TNFRSF10C: variants seen among roughly 807,000 people sequenced by gnomAD.
TNFRSF10C encodes TNF receptor superfamily member 10c.
Under a neutral mutation model 16.7 loss-of-function variants are expected in TNFRSF10C, and 17 were observed. That is an observed-to-expected ratio of 1.02 (90% CI 0.70 to 1.53). The LOEUF is 1.53. Among genes scored for constraint, TNFRSF10C ranks in the 40% most tolerant of loss-of-function variants. TNFRSF10C has a pLI of 0.00. For missense variants in TNFRSF10C, 237 were observed against 329.7 expected (o/e 0.72, Z 2.18); for synonymous variants, 73 against 119.7 (o/e 0.61, Z 2.55).
intron 1 of TNFRSF10C, among the ~76,000 whole-genome samples, chr8:23,108,393 T>A (rs1813817020): frequency 6.6e-6 from 1 of 152,190 alleles, no homozygotes; most frequent in Non-Finnish European, 1.5e-5. Context: ...AGGAAACTGC[T>A]TTTTTCTGGC....
chr8:23,111,352 G>A (rs1563343867), intron 1 of TNFRSF10C, among the ~76,000 whole-genome samples: 1 of 151,966 alleles, frequency 6.6e-6, no homozygotes, highest in East Asian at 1.9e-4. Context: ...GAGTAGCTGG[G>A]ATTACAGGTG....
Position 23,103,195 on chromosome 8 carries a change from G to T in TNFRSF10C, c.60+14G>T, listed in dbSNP as rs749401672. ...GTCCTGCTGCCAGTGAGTCCCGGCC[G>T]CGGTCCCTGGCTGGGGAAGAGCGCA... is the stretch of plus-strand genomic sequence containing the variant. On this transcript the variant is annotated intron_variant, in intron 1 of 4. Coordinates refer to ENST00000356864, the MANE Select transcript of TNFRSF10C (RefSeq NM_003841.5). The T allele has an allele frequency of 3.1e-6, 5 of 1,605,818 alleles. No individual in the cohort carries two copies. The highest frequency in any genetic ancestry group is 4.5e-5 in the East Asian group (2 of 44,650).
At chr8:23,115,417 G>C in intron 3 of TNFRSF10C, 91 bp from the exon 4 acceptor site, 1 of 1,094,730 alleles carries the variant, frequency 9.1e-7, no homozygotes, top group South Asian at 1.5e-5. Context: ...TGGTGAACTT[G>C]GTTGAGCTGA....
chr8:23,114,885 T>G (rs759489481), intron 3 of TNFRSF10C, 115 bp downstream of exon 3: 142 of 771,380 alleles, frequency 1.8e-4, no homozygotes, highest in Non-Finnish European at 2.9e-4. Flanking sequence ...TTCATCACCC[T>G]GTTCTATGAT....
chr8:23,114,172 G>A (rs549014180), intron 2 of TNFRSF10C, among the ~76,000 whole-genome samples: 18 of 152,124 alleles, frequency 1.2e-4, no homozygotes, highest in Non-Finnish European at 2.2e-4. Context: ...CCCAGGTTTC[G>A]GGGGCTTGGG....
intron 1 of TNFRSF10C, among the ~76,000 whole-genome samples, chr8:23,110,005 T>C (rs1331586373): frequency 3.2e-5 from 4 of 124,616 alleles, no homozygotes; most frequent in African/African-American, 6.3e-5. Context: ...AAGGTTGTAG[T>C]GAACCGAGAT....
rs745598625 is a variant in TNFRSF10C at position 23,114,691 on chromosome 8, C to T, written c.201C>T (p.Asn67=). The change falls in exon 3 of 5, where the codon AAC becomes AAT. Residue 67 remains asparagine (N), a synonymous_variant. Transcript: ENST00000356864. The part of the protein sequence containing the change: ...SHRSEHTGAC[N]PCTEGVDYTN... Reference sequence around the variant, plus strand: ...GATCAGAACATACTGGAGCCTGTAACCCGTGCACAGAGGGTGTGGATTACA... The same window carrying T: ...GATCAGAACATACTGGAGCCTGTAATCCGTGCACAGAGGGTGTGGATTACA... The T allele has an allele frequency of 1.2e-6, 2 of 1,614,068 alleles. No individual in the cohort carries two copies. Among genetic ancestry groups the T allele is most frequent in the Non-Finnish European group, 1.7e-6 (2 of 1,179,962 alleles).
In TNFRSF10C at chr8:23,114,658, A is replaced by G. The variant is rs1329992904; in HGVS notation, c.168A>G (p.Gly56=). 9 of 1,612,450 alleles carry G rather than the reference A, an allele frequency of 5.6e-6. No homozygotes were observed. The Admixed American group carries it at 1.5e-4, about 27-fold the overall frequency. ...HSFKGEECPA[G]SHRSEHTGAC... is the part of the protein sequence containing the mutation. ...ATTGGCTTTTCTCTTCCTTCCCAGG[A>G]TCTCATAGATCAGAACATACTGGAG... The change falls in exon 3 of 5, where the codon GGA becomes GGG. Residue 56 remains glycine, a splice_region_variant and synonymous_variant. Transcript: ENST00000356864.
At chr8:23,106,661 C>G (rs1813782273) in intron 1 of TNFRSF10C, among the ~76,000 whole-genome samples, 1 of 152,046 alleles carries the variant, frequency 6.6e-6, no homozygotes, top group Non-Finnish European at 1.5e-5. Context: ...TGCACAGTAC[C>G]CTCTTGGCCT....
chr8:23,113,668 G>A (rs1813923018), intron 2 of TNFRSF10C, among the ~76,000 whole-genome samples: 2 of 152,206 alleles, frequency 1.3e-5, no homozygotes, highest in South Asian at 4.2e-4. Context: ...CCATTGTTGT[G>A]CCATTACCAT....
At chr8:23,106,422 C>A (rs922597057) in intron 1 of TNFRSF10C, among the ~76,000 whole-genome samples, 37 of 149,140 alleles carry the variant, frequency 2.5e-4, no homozygotes, top group South Asian at 6.4e-4. Flanking sequence ...GATGCCCCCC[C>A]ACCCGATTTT....
chr8:23,107,739 A>G (rs1036579977), intron 1 of TNFRSF10C, among the ~76,000 whole-genome samples: 71 of 152,362 alleles, frequency 4.7e-4, no homozygotes, highest in African/African-American at 1.6e-3. Flanking sequence ...GTCTATTTCA[A>G]CTATATCAAT....
At chr8:23,109,686 A>C (rs1813844847) in intron 1 of TNFRSF10C, among the ~76,000 whole-genome samples, 1 of 152,130 alleles carries the variant, frequency 6.6e-6, no homozygotes, top group Admixed American at 6.6e-5. Flanking sequence ...GAGCTACATT[A>C]ATCAATCATA....
chr8:23,108,758 C>T (rs1425932569), intron 1 of TNFRSF10C, among the ~76,000 whole-genome samples: 1 of 152,210 alleles, frequency 6.6e-6, no homozygotes, highest in African/African-American at 2.4e-5. Flanking sequence ...GATCTGCACA[C>T]TATCAACCAC....
chr8:23,112,800 A>G (rs1216652122), intron 2 of TNFRSF10C, among the ~76,000 whole-genome samples: 4 of 152,242 alleles, frequency 2.6e-5, no homozygotes, highest in African/African-American at 9.7e-5. Flanking sequence ...TATCTCTTCA[A>G]TATACTGACG....
chr8:23,109,443 C>T (rs1016665400), intron 1 of TNFRSF10C, among the ~76,000 whole-genome samples: 1 of 151,954 alleles, frequency 6.6e-6, no homozygotes, highest in African/African-American at 2.4e-5. Flanking sequence ...CGAGACCATC[C>T]TGGCTAACAC....
chr8:23,108,588 G>A (rs1654479187), intron 1 of TNFRSF10C, among the ~76,000 whole-genome samples: 1 of 152,124 alleles, frequency 6.6e-6, no homozygotes, highest in African/African-American at 2.4e-5. Context: ...GTAGTTAAAA[G>A]GGTTAATTCT....
chr8:23,111,887 T>C (rs1447822889), intron 2 of TNFRSF10C, 62 bp downstream of exon 2: 2 of 1,464,128 alleles, frequency 1.4e-6, no homozygotes, highest in Admixed American at 1.8e-5. Flanking sequence ...TGTATGTATT[T>C]ATGATGTACA....
At chr8:23,106,878 TG>T (rs1469034953) in intron 1 of TNFRSF10C, among the ~76,000 whole-genome samples, 3 of 150,482 alleles carry the variant, frequency 2.0e-5, no homozygotes, top group Admixed American at 2.0e-4. Flanking sequence ...TCCCAGCTAC[TG>T]GAGAGGCTGA....
Sources: gnomAD v4.1 joint callset for allele counts (sites outside exome capture counted in the v4.1 genomes callset) on GRCh38, gnomAD v4.1.1 for gene constraint, MANE v1.5 for transcripts, NCBI Gene and HGNC (gene_info 2026-07-23, HGNC 2026-07-21) for gene names.